The following CSMD1 variants were observed in gnomAD, a reference collection of about 807,000 sequenced individuals.
CSMD1 encodes the protein CUB and sushi domain-containing protein 1.
CSMD1 carries 213 observed loss-of-function variants against 417.5 expected under a neutral mutation model. That is an observed-to-expected ratio of 0.51 (90% confidence interval 0.46 to 0.57). The LOEUF (loss-of-function observed/expected upper bound fraction) is 0.57, where lower values mean the gene tolerates loss of function less well. Among genes scored for constraint, CSMD1 ranks in the 20% least tolerant of loss-of-function variants. The pLI is 0.00. For synonymous variants in CSMD1, 2,862 were observed against 1,736.8 expected, an observed-to-expected ratio of 1.65 and a Z score of -16.11; for missense variants, 6,923 against 4,529.7, an observed-to-expected ratio of 1.53 and a Z score of -15.17.
At chr8:4,161,789 G>C (rs757160938) in intron 3 of CSMD1, among the ~76,000 whole-genome samples, 4 of 152,114 alleles carry the variant, frequency 2.6e-5, no homozygotes, top group South Asian at 2.1e-4. Flanking sequence ...TTGTGCAAAA[G>C]AAACAAAATT....
At chr8:4,103,729 A>T (rs1801422850) in intron 3 of CSMD1, among the ~76,000 whole-genome samples, 1 of 152,192 alleles carries the variant, frequency 6.6e-6, no homozygotes, top group Admixed American at 6.5e-5. Context: ...CCTTTATCCA[A>T]GACTTGATAG....
intron 5 of CSMD1, among the ~76,000 whole-genome samples, chr8:3,927,552 C>G (rs547842930): frequency 1.3e-5 from 2 of 149,728 alleles, no homozygotes; most frequent in African/African-American, 2.4e-5. Context: ...GTAATCCCAG[C>G]TACTAGAGAG....
chr8:3,988,686 G>C lies in CSMD1; in HGVS notation c.818+9217C>G, dbSNP rs373085798. 2.9e-3 allele frequency among the ~76,000 whole-genome samples: 444 copies of C among 152,306 alleles called. 2 individuals are homozygous for C. Among genetic ancestry groups the C allele is most frequent in the African/African-American group, 0.01 (425 of 41,560 alleles). ...TGTTATCACATTTCATTTTTACTAAGTGATATACAGGATCTAAACCAGGAT... is the reference window on the plus strand; with the variant it reads ...TGTTATCACATTTCATTTTTACTAACTGATATACAGGATCTAAACCAGGAT... On this transcript the variant is annotated intron_variant, in intron 5 of 69. Coordinates refer to ENST00000635120, the MANE Select transcript of CSMD1 (RefSeq NM_033225.6).
chr8:3,255,326 T>A (rs1452727734), intron 26 of CSMD1, among the ~76,000 whole-genome samples: 1 of 152,114 alleles, frequency 6.6e-6, no homozygotes, highest in Non-Finnish European at 1.5e-5. Flanking sequence ...AGGGACCCAC[T>A]TGAGGAGGCA....
At position 4,245,880 on chromosome 8, in the gene CSMD1, G is replaced by T. The variant is rs187754090; in HGVS notation, c.415+174073C>A. On this transcript the variant is annotated intron_variant, in intron 3 of 69. Coordinates refer to ENST00000635120, the MANE Select transcript of CSMD1 (RefSeq NM_033225.6). ...CTTTGAACATAGGACATCTCACAGG[G>T]TATACTTTTCATACATGGTGCTTTA... Among the ~76,000 whole-genome samples, 25 of 152,156 alleles carry T rather than the reference G, an allele frequency of 1.6e-4. 1 individual carries two copies. The highest frequency in any genetic ancestry group is 6.0e-4 in the African/African-American group (25 of 41,518).
intron 11 of CSMD1, among the ~76,000 whole-genome samples, chr8:3,489,827 A>C (rs1460492977): frequency 6.6e-6 from 1 of 152,316 alleles, no homozygotes; most frequent in South Asian, 2.1e-4. Flanking sequence ...CTAGAATTCC[A>C]TATTTCCCAC....
intron 1 of CSMD1, among the ~76,000 whole-genome samples, chr8:4,898,214 A>T (rs1804632226): frequency 6.6e-6 from 1 of 152,148 alleles, no homozygotes; most frequent in Non-Finnish European, 1.5e-5. Flanking sequence ...GAATGATTAA[A>T]ACGCACACAT....
intron 5 of CSMD1, among the ~76,000 whole-genome samples, chr8:3,870,045 T>G (rs1167391224): frequency 6.6e-6 from 1 of 152,214 alleles, no homozygotes; most frequent in Non-Finnish European, 1.5e-5. Flanking sequence ...GTCTCTTCAT[T>G]GCTTAACTGT....
At chr8:2,983,754 ACTT>A (rs531074396) in intron 54 of CSMD1, among the ~76,000 whole-genome samples, 149 of 152,344 alleles carry the variant, frequency 9.8e-4, no homozygotes, top group African/African-American at 3.3e-3. Context: ...GTCGTGCCTA[ACTT>A]CTTATTTTTG....
At chr8:3,183,049 C>A (rs1434371029) in intron 36 of CSMD1, 1 of 151,984 alleles carries the variant, frequency 6.6e-6, no homozygotes, top group South Asian at 2.1e-4. Context: ...TGAGCCACCG[C>A]ACCCGGCCTA....
intron 48 of CSMD1, among the ~76,000 whole-genome samples, chr8:3,087,715 A>T (rs915323072): frequency 6.6e-6 from 1 of 152,216 alleles, no homozygotes; most frequent in Non-Finnish European, 1.5e-5. Context: ...GCAGCATTCA[A>T]AGTCATCCTG....
intron 3 of CSMD1, among the ~76,000 whole-genome samples, chr8:4,246,722 G>C (rs1439297002): frequency 6.6e-6 from 1 of 151,972 alleles, no homozygotes; most frequent in African/African-American, 2.4e-5. Context: ...TTTATCATTG[G>C]AATAATGATT....
chr8:3,606,483 G>C (rs1000624772), intron 8 of CSMD1, among the ~76,000 whole-genome samples: 6 of 144,162 alleles, frequency 4.2e-5, no homozygotes, highest in African/African-American at 1.5e-4. Context: ...ATGAAAGACG[G>C]AAGATGTCTC....
intron 5 of CSMD1, among the ~76,000 whole-genome samples, chr8:3,909,476 G>A (rs1339115367): frequency 1.3e-5 from 2 of 152,068 alleles, no homozygotes; most frequent in East Asian, 1.9e-4. Flanking sequence ...ACAGCAGTGC[G>A]GAAATATCCA....
At chr8:4,238,662 A>C (rs1285448327) in intron 3 of CSMD1, among the ~76,000 whole-genome samples, 2 of 152,188 alleles carry the variant, frequency 1.3e-5, no homozygotes, top group Non-Finnish European at 2.9e-5. Flanking sequence ...TCTTGAAGCC[A>C]ACAACCCTGG....
chr8:4,762,567 C>T (rs544760456), intron 1 of CSMD1, among the ~76,000 whole-genome samples: 1 of 152,046 alleles, frequency 6.6e-6, no homozygotes, highest in East Asian at 1.9e-4. Flanking sequence ...ATTCATAGTC[C>T]CATCAACACA....
chr8:3,869,730 C>T (rs923774067), intron 5 of CSMD1, among the ~76,000 whole-genome samples: 2 of 152,048 alleles, frequency 1.3e-5, no homozygotes, highest in Admixed American at 6.6e-5. Context: ...TGGCAGGACC[C>T]ACCCCAGCAG....
intron 5 of CSMD1, among the ~76,000 whole-genome samples, chr8:3,936,067 A>T (rs1383351609): frequency 6.6e-6 from 1 of 152,160 alleles, no homozygotes; most frequent in African/African-American, 2.4e-5. Context: ...TGGGTAAAAG[A>T]CCAAAGCAGC....
intron 1 of CSMD1, among the ~76,000 whole-genome samples, chr8:4,856,903 G>A (rs564162998): frequency 1.5e-4 from 23 of 152,188 alleles, no homozygotes; most frequent in African/African-American, 5.5e-4. Context: ...ACTCAGCTCT[G>A]AACCAAGTGG....
Sources: gnomAD v4.1 joint callset for allele counts (sites outside exome capture counted in the v4.1 genomes callset) on GRCh38, gnomAD v4.1.1 for gene constraint, MANE v1.5 for transcripts, NCBI Gene and HGNC (gene_info 2026-07-23, HGNC 2026-07-21) for gene names.